The following FGF13 variants were observed in gnomAD, a reference collection of about 807,000 sequenced individuals.
FGF13 encodes the protein fibroblast growth factor 13, also known as fibroblast growth factor homologous factor 2.
Under a neutral mutation model 19.5 loss-of-function variants are expected in FGF13, and 2 were observed. The ratio of observed to expected loss-of-function variants is 0.10; its 90% CI spans 0.04 to 0.32. FGF13 has a LOEUF of 0.32. Among genes scored for constraint, FGF13 ranks in the 10% least tolerant of loss-of-function variants. FGF13 has a pLI of 1.00. For missense variants in FGF13, 113 were observed against 192.7 expected (o/e 0.59, Z 2.45); for synonymous variants, 72 against 76.9 (o/e 0.94, Z 0.33).
intron 1 of FGF13, among the ~76,000 whole-genome samples, chrX:139,173,386 A>AAT (rs1012810253): frequency 2.7e-4 from 29 of 108,380 alleles, no homozygotes; most frequent in East Asian, 8.6e-4. Context: ...ATATAAATAT[A>AAT]ATATATATAT....
chrX:138,702,391 C>T (rs2089955962), intron 3 of FGF13, among the ~76,000 whole-genome samples: 1 of 111,159 alleles, frequency 9.0e-6, no homozygotes, highest in African/African-American at 3.3e-5. Flanking sequence ...ATTGTTTATA[C>T]ATTCATCTGA....
chrX:138,794,762 C>T (rs1425703304), intron 3 of FGF13, among the ~76,000 whole-genome samples: 2 of 111,697 alleles, frequency 1.8e-5, no homozygotes, highest in South Asian at 3.8e-4. Context: ...GAGCAAAATT[C>T]GGTGTGCTTT....
At chrX:138,743,072 C>T (rs2090330453), upstream of FGF13, among the ~76,000 whole-genome samples, 1 of 111,247 alleles carries the variant, frequency 9.0e-6, no homozygotes, top group Non-Finnish European at 1.9e-5. Flanking sequence ...AATCTAATAT[C>T]CACACAAAAA....
rs902435851 is a variant in FGF13 at position 139,156,529 on chromosome X, C to T, written c.-113+46887G>A. ...TAAGCAAGGAGTCTTATTGGTAAGG[C>T]CCATGTGGCAAGAAACTGAGTGTGG... On this transcript the variant is annotated intron_variant, in intron 1 of 2. Transcript: ENST00000421460. 2.7e-5 allele frequency among the ~76,000 whole-genome samples: 3 copies of T among 112,575 alleles called. No homozygotes were observed. In the Admixed American group the frequency reaches 2.8e-4, roughly 11 times the overall value.
intron 3 of FGF13, among the ~76,000 whole-genome samples, chrX:138,813,357 C>G (rs1184237951): frequency 1.8e-5 from 2 of 111,578 alleles, no homozygotes; most frequent in African/African-American, 3.3e-5. Context: ...CCTAACTGAG[C>G]TCTCTGCTTT....
At chrX:138,811,382 G>C (rs962437773) in intron 3 of FGF13, among the ~76,000 whole-genome samples, 1 of 110,539 alleles carries the variant, frequency 9.0e-6, no homozygotes, top group African/African-American at 3.3e-5. Context: ...ACTTGTAGGT[G>C]GGAACTGAAC....
At chrX:138,782,484 T>A (rs2090653342) in intron 3 of FGF13, among the ~76,000 whole-genome samples, 2 of 110,474 alleles carry the variant, frequency 1.8e-5, no homozygotes. Flanking sequence ...ACAAAATCAA[T>A]GTGCAAAAAT....
intron 1 of FGF13, among the ~76,000 whole-genome samples, chrX:138,881,265 G>C (rs1360379339): frequency 9.0e-6 from 1 of 111,393 alleles, no homozygotes; most frequent in Non-Finnish European, 1.9e-5. Flanking sequence ...AAATTTACAT[G>C]TTGTTTTTGC....
At chrX:138,780,167 C>T (rs1360944565) in intron 3 of FGF13, among the ~76,000 whole-genome samples, 2 of 109,957 alleles carry the variant, frequency 1.8e-5, no homozygotes, top group Non-Finnish European at 3.8e-5. Flanking sequence ...GAAGGAAGCA[C>T]TAAACATGGA....
At chrX:138,939,337 C>T (rs1042311395) in intron 1 of FGF13, among the ~76,000 whole-genome samples, 1 of 112,186 alleles carries the variant, frequency 8.9e-6, no homozygotes, top group Non-Finnish European at 1.9e-5. Context: ...AAAACTAAGA[C>T]AACACAAATA....
At chrX:138,739,208 T>C (rs2090302312) in intron 1 of FGF13, 1 of 816,191 alleles carries the variant, frequency 1.2e-6, no homozygotes, top group Non-Finnish European at 1.9e-6. Flanking sequence ...TTCAAATCTA[T>C]GTCCATCAAA....
chrX:138,704,473 A>C (rs2089976512), intron 2 of FGF13, among the ~76,000 whole-genome samples: 1 of 112,747 alleles, frequency 8.9e-6, no homozygotes, highest in Admixed American at 9.3e-5. Flanking sequence ...TTTATTGAGG[A>C]TAATAAATCA....
intron 1 of FGF13, among the ~76,000 whole-genome samples, chrX:139,193,709 ACAAT>A (rs779338847): frequency 1.8e-5 from 2 of 111,549 alleles, no homozygotes; most frequent in Non-Finnish European, 3.8e-5. Flanking sequence ...CAGTTTGAAG[ACAAT>A]CAATAAGTAA....
chrX:139,174,551 C>T (rs2084163442), intron 1 of FGF13, among the ~76,000 whole-genome samples: 1 of 111,992 alleles, frequency 8.9e-6, no homozygotes, highest in Admixed American at 9.5e-5. Context: ...AACGTTTAAT[C>T]CATCTTGAGT....
At chrX:139,060,539 G>A (rs1012050197) in intron 1 of FGF13, among the ~76,000 whole-genome samples, 10 of 111,521 alleles carry the variant, frequency 9.0e-5, no homozygotes, top group African/African-American at 3.3e-4. Context: ...TTCACAGACT[G>A]CTTTTTGGTT....
At chrX:139,146,883 A>G (rs992261499) in intron 1 of FGF13, among the ~76,000 whole-genome samples, 4 of 101,905 alleles carry the variant, frequency 3.9e-5, no homozygotes, top group African/African-American at 1.5e-4. Context: ...AAAACTAAAC[A>G]CCGCATGTTC....
chrX:139,115,322 C>G (rs1474318866), intron 1 of FGF13, among the ~76,000 whole-genome samples: 2 of 112,352 alleles, frequency 1.8e-5, no homozygotes, highest in Non-Finnish European at 1.9e-5. Context: ...GACTACATAT[C>G]TGGCTAACAG....
chrX:138,876,700 T>C (rs1037801468), intron 1 of FGF13, among the ~76,000 whole-genome samples: 3 of 112,249 alleles, frequency 2.7e-5, no homozygotes, highest in Non-Finnish European at 5.6e-5. Flanking sequence ...GAGCTACCTA[T>C]GCTACGTCCT....
chrX:138,932,172 C>G (rs765170903), intron 1 of FGF13, among the ~76,000 whole-genome samples: 71 of 111,993 alleles, frequency 6.3e-4, no homozygotes, highest in South Asian at 2.3e-3. Context: ...GCTTAAATAT[C>G]GCCACGAAGA....
Sources: allele counts gnomAD v4.1 joint callset (sites outside exome capture counted in the v4.1 genomes callset), GRCh38; gene constraint gnomAD v4.1.1; transcripts MANE v1.5; gene names NCBI Gene and HGNC (gene_info 2026-07-23, HGNC 2026-07-21).